Variants in BBS7 observed in about 807,000 individuals in gnomAD.
The protein encoded by BBS7 is Bardet-Biedl syndrome 7, also known as BBSome complex member BBS7.
Under a neutral mutation model 90.3 loss-of-function variants are expected in BBS7, and 50 were observed. That is an observed-to-expected ratio of 0.55 (90% CI 0.44 to 0.70). The LOEUF (loss-of-function observed/expected upper bound fraction) is 0.70. Ranked by LOEUF, BBS7 falls within the 30% of genes least tolerant of loss-of-function variation. BBS7 has a pLI of 0.00. For synonymous variants in BBS7, 235 were observed against 287.4 expected, an observed-to-expected ratio of 0.82 and a Z score of 1.85; for missense variants, 729 against 838.9, an observed-to-expected ratio of 0.87 and a Z score of 1.62.
At chr4:121,869,090 A>T (rs886685375) in intron 1 of BBS7, among the ~76,000 whole-genome samples, 6 of 152,184 alleles carry the variant, frequency 3.9e-5, no homozygotes, top group Admixed American at 1.3e-4. Context: ...AGAAGATGAG[A>T]ACCCAAATGA....
intron 10 of BBS7, 146 bp from the exon 11 acceptor site, chr4:121,845,842 T>A: frequency 1.4e-6 from 1 of 704,180 alleles, no homozygotes; most frequent in Non-Finnish European, 2.4e-6. Context: ...GGAGCAAAAT[T>A]TTTGCTTCTA....
chr4:121,853,989 A>G (rs1726461411), intron 7 of BBS7, among the ~76,000 whole-genome samples: 1 of 152,160 alleles, frequency 6.6e-6, no homozygotes, highest in Admixed American at 6.5e-5. Flanking sequence ...CTCTTCCTGA[A>G]ACATTTTTTT....
intron 3 of BBS7, among the ~76,000 whole-genome samples, chr4:121,862,102 T>C (rs1727014094): frequency 6.6e-6 from 1 of 152,162 alleles, no homozygotes; most frequent in Admixed American, 6.5e-5. Flanking sequence ...ATTTGGCAAA[T>C]TCTTTAATGA....
chr4:121,833,442 A>T, intron 14 of BBS7, 47 bp from the exon 15 acceptor site: 1 of 1,535,874 alleles, frequency 6.5e-7, no homozygotes, highest in Non-Finnish European at 9.0e-7. Flanking sequence ...GGAATACATG[A>T]AAGTATTATA....
At chr4:121,842,603 T>C (rs1267816409) in intron 12 of BBS7, among the ~76,000 whole-genome samples, 1 of 151,796 alleles carries the variant, frequency 6.6e-6, no homozygotes, top group Non-Finnish European at 1.5e-5. Context: ...GCCACTGCAC[T>C]CCAGCCTGGG....
chr4:121,862,041 T>G (rs181076929), intron 3 of BBS7, among the ~76,000 whole-genome samples: 87 of 152,298 alleles, frequency 5.7e-4, no homozygotes, highest in African/African-American at 2.0e-3. Flanking sequence ...CTATGCCTAC[T>G]GAAGTTTTAG....
Position 121,870,402 on chromosome 4 carries a change from G to A in BBS7, c.-89C>T. The stretch of plus-strand genomic sequence containing the variant: ...CGCAGGCCTCCGACCCAGTCAGAAG[G>A]CTGCCCGCGCCCCTCAAAAGCCAGC... On this transcript the variant is annotated 5_prime_UTR_variant, in exon 1 of 19. Transcript: ENST00000264499. 1 of 1,498,908 alleles carries A rather than the reference G, an allele frequency of 6.7e-7. No homozygotes were observed. Among genetic ancestry groups the A allele is most frequent in the Non-Finnish European group, 9.2e-7 (1 of 1,081,102 alleles). The allele number at this position is 1,498,908 out of a possible 1,614,324, so 92.9% of individuals were successfully genotyped here. A position where few individuals can be genotyped will look rare whatever the true frequency, so the allele number is the denominator to read the frequency against.
chr4:121,865,829 A>C (rs1244628022), intron 2 of BBS7, among the ~76,000 whole-genome samples: 1 of 152,204 alleles, frequency 6.6e-6, no homozygotes, highest in African/African-American at 2.4e-5. Context: ...CACCAATGGC[A>C]CAGAAGAGTT....
At chr4:121,859,204 T>A (rs1726846782) in intron 4 of BBS7, 26 bp from the exon 5 acceptor site, 7 of 1,602,916 alleles carry the variant, frequency 4.4e-6, no homozygotes, top group Non-Finnish European at 5.1e-6. Context: ...TAGTAATTTT[T>A]AAAAATAAGC....
chr4:121,828,802 A>G lies in BBS7; in HGVS notation c.1677-74T>C. Reference sequence around the variant, plus strand: ...TCCAGTACATATATATTTTATGATTAGTACTTAGAGTATAGATTTCATTTG... The same window carrying G: ...TCCAGTACATATATATTTTATGATTGGTACTTAGAGTATAGATTTCATTTG... On this transcript the variant is annotated intron_variant, in intron 15 of 18. Coordinates refer to ENST00000264499, the MANE Select transcript of BBS7 (RefSeq NM_176824.3). The G allele has an allele frequency of 3.5e-6, 3 of 863,068 alleles. No homozygotes were observed. The South Asian group carries it at 5.2e-5, about 15-fold the overall frequency. 53.5% of individuals were successfully genotyped at this position (863,068 alleles called of 1,614,324 possible). A position where few individuals can be genotyped will look rare whatever the true frequency, so the allele number is the denominator to read the frequency against.
chr4:121,832,009 A>AAC (rs375865529), intron 15 of BBS7, among the ~76,000 whole-genome samples: 6,984 of 142,780 alleles, frequency 0.049, 200 homozygotes, highest in East Asian at 0.083. Flanking sequence ...AAAAAACAAA[A>AAC]ACACACACAC....
At chr4:121,869,185 G>A (rs1189509124) in intron 1 of BBS7, among the ~76,000 whole-genome samples, 1 of 152,166 alleles carries the variant, frequency 6.6e-6, no homozygotes, top group Non-Finnish European at 1.5e-5. Context: ...AGTTGGATAT[G>A]GAAGTACATA....
chr4:121,826,088 G>T (rs1227668741), intron 18 of BBS7, 95 bp from the exon 19 acceptor site: 5 of 1,049,034 alleles, frequency 4.8e-6, no homozygotes, highest in Middle Eastern at 3.1e-4. Flanking sequence ...CTATTTTTAA[G>T]CACCTGTAAT....
chr4:121,844,073 TAA>T, intron 11 of BBS7, 72 bp from the exon 12 acceptor site: 1 of 946,672 alleles, frequency 1.1e-6, no homozygotes, highest in Non-Finnish European at 1.7e-6. Flanking sequence ...ATGTTTTCTC[TAA>T]GAGTTCTCCT....
chr4:121,831,322 C>T (rs1287096907), intron 15 of BBS7, among the ~76,000 whole-genome samples: 1 of 151,586 alleles, frequency 6.6e-6, no homozygotes, highest in Non-Finnish European at 1.5e-5. Context: ...AAGGGAGAAT[C>T]AAAGAAGGCT....
At chr4:121,861,869 A>G (rs1035192807) in intron 3 of BBS7, among the ~76,000 whole-genome samples, 190 bp from the exon 4 acceptor site, 2 of 152,184 alleles carry the variant, frequency 1.3e-5, no homozygotes, top group Non-Finnish European at 2.9e-5. Flanking sequence ...ACTTTTAAAT[A>G]TATATTCCCA....
chr4:121,839,847 AAC>A, intron 12 of BBS7, 151 bp from the exon 13 acceptor site: 1 of 671,942 alleles, frequency 1.5e-6, no homozygotes, highest in South Asian at 1.8e-5. Context: ...CACTTACAAA[AAC>A]TCTATGCACT....
chr4:121,863,082 A>G, intron 3 of BBS7, 135 bp downstream of exon 3: 1 of 804,146 alleles, frequency 1.2e-6, no homozygotes, highest in Admixed American at 2.1e-5. Context: ...GCAGACTCAT[A>G]TCTCACATAA....
At chr4:121,835,505 T>C (rs1725408468) in intron 13 of BBS7, among the ~76,000 whole-genome samples, 1 of 152,174 alleles carries the variant, frequency 6.6e-6, no homozygotes, top group Non-Finnish European at 1.5e-5. Flanking sequence ...GTAACTTCTC[T>C]AATCTAATTA....
Sources: allele counts gnomAD v4.1 joint callset (sites outside exome capture counted in the v4.1 genomes callset), GRCh38; gene constraint gnomAD v4.1.1; transcripts MANE v1.5; gene names NCBI Gene and HGNC (gene_info 2026-07-23, HGNC 2026-07-21).